The following HS6ST2 variants were observed in gnomAD, a reference collection of about 807,000 sequenced individuals.
HS6ST2 encodes heparan-sulfate 6-O-sulfotransferase 2.
Under a neutral mutation model 33.0 loss-of-function variants are expected in HS6ST2, and 17 were observed. The ratio of observed to expected loss-of-function variants is 0.52; its 90% CI spans 0.35 to 0.77. The LOEUF is 0.77. Ranked by LOEUF, HS6ST2 falls within the 30% of genes least tolerant of loss-of-function variation. HS6ST2 has a pLI of 0.01. For synonymous variants in HS6ST2, 248 were observed against 237.1 expected (o/e 1.05, Z -0.42); for missense variants, 519 against 551.7 (o/e 0.94, Z 0.59).
At chrX:132,831,579 G>C (rs897540310) in intron 2 of HS6ST2, among the ~76,000 whole-genome samples, 3 of 111,528 alleles carry the variant, frequency 2.7e-5, no homozygotes, top group African/African-American at 6.5e-5. Context: ...TCTCAGAACC[G>C]AGATACTTTG....
chrX:132,628,794 A>C lies in HS6ST2; in HGVS notation c.1367T>G (p.Val456Gly). ...SVMPEKQRNK[V>G]LLESAKSNLK... is the part of the protein sequence containing the mutation. ...ATTTGACTTGGCACTTTCCAGAAGG[A>C]CCTTGTTTCTTTGCTTTTCAGGCAT... Residue 456 changes from valine to glycine, a missense_variant, in exon 5 of 5, where the codon GTC becomes GGC. By Grantham distance (109) the Val-to-Gly change is moderately radical. Transcript: ENST00000370833. 1 of 1,211,739 alleles carries C rather than the reference A, an allele frequency of 8.3e-7. No individual in the cohort carries two copies. The highest frequency in any genetic ancestry group is 1.1e-6 in the Non-Finnish European group (1 of 895,405).
At chrX:132,876,754 C>CT (rs1025861391) in intron 2 of HS6ST2, among the ~76,000 whole-genome samples, 2 of 111,236 alleles carry the variant, frequency 1.8e-5, no homozygotes, top group African/African-American at 3.3e-5. Context: ...CCCAACACTC[C>CT]TTGATGTTAA....
chrX:132,763,163 G>A (rs1465475259), intron 2 of HS6ST2, among the ~76,000 whole-genome samples: 3 of 111,977 alleles, frequency 2.7e-5, no homozygotes, highest in East Asian at 2.8e-4. Flanking sequence ...TGGAAAGACC[G>A]GACTAGAAGC....
At chrX:132,764,751 C>A (rs1398125369) in intron 2 of HS6ST2, among the ~76,000 whole-genome samples, 1 of 111,995 alleles carries the variant, frequency 8.9e-6, no homozygotes, top group Admixed American at 9.5e-5. Context: ...TTTTCTTTCT[C>A]CAAGAAACAA....
chrX:132,950,462 G>C (rs1032466653), intron 2 of HS6ST2, among the ~76,000 whole-genome samples: 2 of 112,313 alleles, frequency 1.8e-5, no homozygotes, highest in East Asian at 5.6e-4. Context: ...CAATGTATGA[G>C]AATTTTGATA....
chrX:132,839,838 C>T lies in HS6ST2; in HGVS notation c.947+116970G>A, dbSNP rs1352307315. Among the ~76,000 whole-genome samples the T allele has an allele frequency of 3.6e-5, 4 of 110,976 alleles. 1 individual carries two copies. Among genetic ancestry groups the T allele is most frequent in the Non-Finnish European group, 3.8e-5 (2 of 52,922 alleles). On this transcript the variant is annotated intron_variant, in intron 2 of 4. Transcript: ENST00000370833. ...TCCTCTTCAAATTAGAACCTCTGGC[C>T]GGGCACGGTGGTTCATGTCTGTGAT...
chrX:132,850,595 G>A, intron 2 of HS6ST2, among the ~76,000 whole-genome samples: 1 of 111,684 alleles, frequency 9.0e-6, no homozygotes, highest in African/African-American at 3.2e-5. Context: ...CCCCTGGGGA[G>A]ACAGAAGAAA....
chrX:132,802,001 A>G (rs1196731417), intron 2 of HS6ST2, among the ~76,000 whole-genome samples: 1 of 112,270 alleles, frequency 8.9e-6, no homozygotes, highest in African/African-American at 3.2e-5. Context: ...TGGGATTTTT[A>G]TAGAGGTCTA....
In HS6ST2 at chrX:132,806,789, G is replaced by A. The variant is rs954365707; in HGVS notation, c.948-98295C>T. ...TTGTTAGCTCACAGGCAAGCTGCAG[G>A]CCATGGTTTGCGGGCCCTGTCCTAG... On this transcript the variant is annotated intron_variant, in intron 2 of 4. Transcript: ENST00000370833. Among the ~76,000 whole-genome samples the A allele has an allele frequency of 6.4e-5, 7 of 109,659 alleles. No individual in the cohort carries two copies. In the Admixed American group the frequency reaches 6.8e-4, roughly 11 times the overall value.
chrX:132,644,653 C>A (rs557359260), intron 4 of HS6ST2, among the ~76,000 whole-genome samples: 2 of 111,497 alleles, frequency 1.8e-5, no homozygotes, highest in African/African-American at 6.5e-5. Context: ...CAGGGCCCAG[C>A]ACCTTATGGG....
At chrX:132,906,708 G>A (rs1470973061) in intron 2 of HS6ST2, among the ~76,000 whole-genome samples, 1 of 110,881 alleles carries the variant, frequency 9.0e-6, no homozygotes, top group African/African-American at 3.3e-5. Flanking sequence ...TTTTGAGATG[G>A]AGTCTCACTC....
chrX:132,932,167 C>T (rs1461262973), intron 2 of HS6ST2, among the ~76,000 whole-genome samples: 2 of 93,882 alleles, frequency 2.1e-5, no homozygotes, highest in East Asian at 6.7e-4. Context: ...GCCTGGGTGA[C>T]AGAGCAAGAC....
At chrX:132,793,769 T>C (rs1013931401) in intron 2 of HS6ST2, among the ~76,000 whole-genome samples, 2 of 112,390 alleles carry the variant, frequency 1.8e-5, no homozygotes, top group Non-Finnish European at 1.9e-5. Flanking sequence ...CCTGATAATG[T>C]GTAAAGGAAG....
chrX:132,664,075 A>G (rs561212920), intron 4 of HS6ST2, among the ~76,000 whole-genome samples: 1 of 111,988 alleles, frequency 8.9e-6, no homozygotes, highest in South Asian at 3.8e-4. Context: ...CAGTGGTGCA[A>G]TCTCAGCTCA....
chrX:132,805,875 C>A lies in HS6ST2; in HGVS notation c.948-97381G>T, dbSNP rs1027750148. Among the ~76,000 whole-genome samples the A allele has an allele frequency of 3.6e-5, 4 of 110,545 alleles. No individual in the cohort carries two copies. The Admixed American group carries it at 3.9e-4, about 11-fold the overall frequency. On this transcript the variant is annotated intron_variant, in intron 2 of 4. Coordinates refer to ENST00000370833, the MANE Select transcript of HS6ST2 (RefSeq NM_001394073.1). The stretch of plus-strand genomic sequence containing the variant: ...ACCTTAGTTGAATAGATTGAGTAGA[C>A]TGGGTTTATTACACAATGTTTTGCC...
rs184807537 is a variant in HS6ST2 at position 132,891,780 on chromosome X, T to A, written c.947+65028A>T. 5.2e-3 allele frequency among the ~76,000 whole-genome samples: 581 copies of A among 112,140 alleles called. 4 individuals are homozygous for A. The highest frequency in any genetic ancestry group is 0.046 in the East Asian group (164 of 3,560). The stretch of plus-strand genomic sequence containing the variant: ...TGTGCCACATTTTCTTAATCCAGTC[T>A]ATCATTGTTGGACATTTGGGTTGGT... On this transcript the variant is annotated intron_variant, in intron 2 of 4. Coordinates refer to ENST00000370833, the MANE Select transcript of HS6ST2 (RefSeq NM_001394073.1).
chrX:132,673,866 C>T lies in HS6ST2; in HGVS notation c.981-4667G>A, dbSNP rs1312515342. ...ACTTGCTTTTCTCTTTTCTAAGAGA[C>T]TCACATTTCTGAAGTATGTTTGCCC... On this transcript the variant is annotated intron_variant, in intron 3 of 4. Coordinates refer to ENST00000370833, the MANE Select transcript of HS6ST2 (RefSeq NM_001394073.1). 2.7e-5 allele frequency among the ~76,000 whole-genome samples: 3 copies of T among 112,077 alleles called. No individual in the cohort carries two copies. In the East Asian group the frequency reaches 8.5e-4, roughly 32 times the overall value.
chrX:132,850,731 T>TACACACACACACACACAC (rs111520127), intron 2 of HS6ST2, among the ~76,000 whole-genome samples: 1 of 105,974 alleles, frequency 9.4e-6, no homozygotes, highest in Non-Finnish European at 1.9e-5. Flanking sequence ...TTTCTACATC[T>TACACACACACACACACAC]ACACACACAC....
chrX:132,867,135 T>C (rs1323561530), intron 2 of HS6ST2, among the ~76,000 whole-genome samples: 4 of 103,524 alleles, frequency 3.9e-5, no homozygotes, highest in African/African-American at 1.4e-4. Context: ...ATAGCTCTTA[T>C]TATTTTGAGA....
Sources: allele counts gnomAD v4.1 joint callset (sites outside exome capture counted in the v4.1 genomes callset), GRCh38; gene constraint gnomAD v4.1.1; transcripts MANE v1.5; gene names NCBI Gene and HGNC (gene_info 2026-07-23, HGNC 2026-07-21).